Variants in XKR9 observed in about 807,000 individuals in gnomAD.
XKR9 encodes XK related 9, also known as XK-related protein 9.
XKR9 carries 32 observed loss-of-function variants against 32.0 expected under a neutral mutation model. That is an observed-to-expected ratio of 1.00 (90% CI 0.76 to 1.34). XKR9 has a LOEUF of 1.34. XKR9 is among the 40% of genes most tolerant of loss of function. The pLI, the probability that XKR9 is intolerant of heterozygous loss-of-function variation, is 0.00. For missense variants in XKR9, 546 were observed against 429.7 expected (o/e 1.27, Z -2.39); for synonymous variants, 168 against 143.4 (o/e 1.17, Z -1.22).
the XKR9 span, among the ~76,000 whole-genome samples, chr8:70,867,294 C>A: frequency 6.6e-6 from 1 of 152,138 alleles, no homozygotes; most frequent in East Asian, 1.9e-4. Context: ...TAAATTACCT[C>A]CCACCAGGTC....
the XKR9 span, among the ~76,000 whole-genome samples, chr8:70,915,818 T>C: frequency 1.3e-5 from 2 of 152,138 alleles, no homozygotes; most frequent in Non-Finnish European, 2.9e-5. Context: ...AAAGCCGCCT[T>C]TTGTGGAGGA....
At chr8:70,741,734 T>C (rs1285660937) in intron 2 of XKR9, among the ~76,000 whole-genome samples, 13 of 152,238 alleles carry the variant, frequency 8.5e-5, no homozygotes, top group Admixed American at 8.5e-4. Flanking sequence ...CAAATACTTC[T>C]TTGAGATTCT....
chr8:70,899,453 G>GATTTTGCTGCCTGTATCCACTGCTCA, the XKR9 span, among the ~76,000 whole-genome samples: 48 of 148,152 alleles, frequency 3.2e-4, no homozygotes, highest in African/African-American at 1.2e-3. Context: ...TTTTAAGAGA[G>GATTTTGCTGCCTGTATCCACTGCTCA]ATTTTGCTGC....
intron 2 of XKR9, among the ~76,000 whole-genome samples, chr8:70,771,151 C>T (rs1252247527): frequency 6.6e-6 from 1 of 152,154 alleles, no homozygotes; most frequent in African/African-American, 2.4e-5. Context: ...TCAAAGCTTC[C>T]CTTGGCTAGG....
intron 3 of XKR9, among the ~76,000 whole-genome samples, chr8:70,696,239 A>T (rs1223272098): frequency 1.3e-5 from 2 of 152,106 alleles, no homozygotes; most frequent in Admixed American, 6.5e-5. Flanking sequence ...TTGGTGTTTT[A>T]GACATGAAGT....
the XKR9 span, among the ~76,000 whole-genome samples, chr8:70,898,553 A>G: frequency 6.6e-6 from 1 of 151,954 alleles, no homozygotes; most frequent in Non-Finnish European, 1.5e-5. Flanking sequence ...ATATTTTCTA[A>G]TTTTCTTTGA....
the XKR9 span, among the ~76,000 whole-genome samples, chr8:71,050,236 G>GAGATAT: frequency 2.4e-5 from 3 of 123,570 alleles, no homozygotes; most frequent in Admixed American, 8.6e-5. Context: ...GCCTGGCAGA[G>GAGATAT]ATATATATAT....
At chr8:70,846,279 A>C in the XKR9 span, among the ~76,000 whole-genome samples, 1 of 152,136 alleles carries the variant, frequency 6.6e-6, no homozygotes, top group Non-Finnish European at 1.5e-5. Context: ...TCACCACTAG[A>C]CTGAATCTAC....
At chr8:70,935,053 G>A in the XKR9 span, among the ~76,000 whole-genome samples, 4 of 148,714 alleles carry the variant, frequency 2.7e-5, no homozygotes, top group South Asian at 6.4e-4. Flanking sequence ...TCCTCTCAAG[G>A]TTAATAACTT....
At chr8:70,991,236 G>C in the XKR9 span, among the ~76,000 whole-genome samples, 1 of 152,062 alleles carries the variant, frequency 6.6e-6, no homozygotes, top group African/African-American at 2.4e-5. Context: ...GAGGTGCAAA[G>C]GGCCCAATAA....
intron 2 of XKR9, among the ~76,000 whole-genome samples, chr8:70,762,015 C>T (rs1429262648): frequency 1.1e-4 from 16 of 151,874 alleles, no homozygotes; most frequent in Non-Finnish European, 2.2e-4. Context: ...TGTAGGCGTG[C>T]GGTCTTATTT....
At chr8:70,802,962 A>T in the XKR9 span, among the ~76,000 whole-genome samples, 1 of 151,908 alleles carries the variant, frequency 6.6e-6, no homozygotes, top group Non-Finnish European at 1.5e-5. Flanking sequence ...ATCTCATAGG[A>T]GTTCTCTGCA....
the XKR9 span, among the ~76,000 whole-genome samples, chr8:70,896,274 A>C: frequency 6.6e-6 from 1 of 152,214 alleles, no homozygotes; most frequent in Non-Finnish European, 1.5e-5. Context: ...GAGATAGTGT[A>C]GAATTAATAT....
chr8:70,743,807 G>C (rs527403917), intron 2 of XKR9, among the ~76,000 whole-genome samples: 11 of 152,092 alleles, frequency 7.2e-5, no homozygotes, highest in East Asian at 3.9e-4. Flanking sequence ...TTTAAATTTG[G>C]ATTTTGTGTA....
the XKR9 span, among the ~76,000 whole-genome samples, chr8:70,969,598 T>C: frequency 6.6e-6 from 1 of 152,184 alleles, no homozygotes; most frequent in Non-Finnish European, 1.5e-5. Flanking sequence ...TTGATGAAAG[T>C]CATTGTCCCA....
At chr8:70,732,678 A>G (rs1047649255) in intron 4 of XKR9, among the ~76,000 whole-genome samples, 2 of 152,198 alleles carry the variant, frequency 1.3e-5, no homozygotes, top group African/African-American at 4.8e-5. Flanking sequence ...TATTACTGAA[A>G]TCAGTCTCCA....
chr8:70,866,549 G>A, the XKR9 span, among the ~76,000 whole-genome samples: 938 of 152,260 alleles, frequency 6.2e-3, 6 homozygotes, highest in Non-Finnish European at 8.5e-3. Context: ...AGAAAGATTA[G>A]TTCAGAGATT....
At chr8:71,011,723 C>A in the XKR9 span, among the ~76,000 whole-genome samples, 2,473 of 152,246 alleles carry the variant, frequency 0.016, 67 homozygotes, top group African/African-American at 0.056. Context: ...AAACATAAAA[C>A]TAACTTGGTC....
the XKR9 span, among the ~76,000 whole-genome samples, chr8:70,932,458 G>A: frequency 1.3e-5 from 2 of 152,138 alleles, no homozygotes; most frequent in African/African-American, 4.8e-5. Context: ...GTGATGTGAA[G>A]TTCAGCTTGC....
Sources: allele counts gnomAD v4.1 joint callset (sites outside exome capture counted in the v4.1 genomes callset), GRCh38; gene constraint gnomAD v4.1.1; transcripts MANE v1.5; gene names NCBI Gene and HGNC (gene_info 2026-07-23, HGNC 2026-07-21).